Variants in C12orf42 observed in about 807,000 individuals in gnomAD.
C12orf42 encodes the protein uncharacterized protein C12orf42.
In C12orf42, 25 loss-of-function variants were observed where a neutral mutation model predicts 21.6. The observed-to-expected ratio is 1.16, with a 90% CI of 0.84 to 1.62. The LOEUF (loss-of-function observed/expected upper bound fraction) is 1.62. C12orf42 is among the 40% of genes most tolerant of loss of function. C12orf42 has a pLI of 0.00. For missense variants in C12orf42, 483 were observed against 459.3 expected (o/e 1.05, Z -0.47); for synonymous variants, 174 against 175.0 (o/e 0.99, Z 0.05).
intron 2 of C12orf42, among the ~76,000 whole-genome samples, chr12:103,466,124 AG>A (rs1011796290): frequency 1.3e-5 from 2 of 152,184 alleles, no homozygotes; most frequent in African/African-American, 4.8e-5. Context: ...AAAATGACTT[AG>A]GGAGGTGTCA....
At chr12:103,421,351 C>T (rs1412931374) in intron 2 of C12orf42, among the ~76,000 whole-genome samples, 2 of 152,100 alleles carry the variant, frequency 1.3e-5, no homozygotes, top group Admixed American at 1.3e-4. Flanking sequence ...GGGAGAATCC[C>T]TTGAGCCCAG....
chr12:103,358,606 CAAACCAAAAAAAA>C (rs551390476), intron 4 of C12orf42, among the ~76,000 whole-genome samples: 289 of 148,604 alleles, frequency 1.9e-3, no homozygotes, highest in African/African-American at 6.7e-3. Context: ...CATATTGTTT[CAAACCAAAAAAAA>C]AAACAAAAAA....
the C12orf42 span, among the ~76,000 whole-genome samples, chr12:103,099,033 T>A: frequency 3.3e-5 from 5 of 152,310 alleles, no homozygotes; most frequent in African/African-American, 1.2e-4. Context: ...AGAAATTCAG[T>A]TAGATATTGT....
the C12orf42 span, among the ~76,000 whole-genome samples, chr12:103,541,058 T>C: frequency 6.6e-6 from 1 of 152,026 alleles, no homozygotes; most frequent in Non-Finnish European, 1.5e-5. Flanking sequence ...TGCATGCCAC[T>C]ATGCCTGGCT....
chr12:103,094,840 T>C, the C12orf42 span, among the ~76,000 whole-genome samples: 4 of 152,216 alleles, frequency 2.6e-5, no homozygotes, highest in East Asian at 5.8e-4. Context: ...TGTTCTGAAG[T>C]AATCATCTAG....
chr12:103,437,598 A>C (rs1397512563), intron 2 of C12orf42, among the ~76,000 whole-genome samples: 1 of 152,090 alleles, frequency 6.6e-6, no homozygotes, highest in African/African-American at 2.4e-5. Context: ...ACAGAAATAC[A>C]AACTACCATC....
chr12:103,309,939 G>A (rs1377785567), intron 4 of C12orf42, among the ~76,000 whole-genome samples: 3 of 152,196 alleles, frequency 2.0e-5, no homozygotes, highest in Non-Finnish European at 4.4e-5. Context: ...GTCCAAGTAG[G>A]GATACCCTGG....
intron 4 of C12orf42, among the ~76,000 whole-genome samples, chr12:103,360,731 C>T (rs2044021555): frequency 6.6e-6 from 1 of 152,076 alleles, no homozygotes; most frequent in African/African-American, 2.4e-5. Context: ...TTACTCTTTC[C>T]ATAAAACTAT....
At chr12:103,216,448 G>A in the C12orf42 span, among the ~76,000 whole-genome samples, 1 of 150,868 alleles carries the variant, frequency 6.6e-6, no homozygotes, top group South Asian at 2.1e-4. Flanking sequence ...TCTGCTCGCT[G>A]CAGGCTCCAC....
At chr12:103,158,005 A>AT in the C12orf42 span, among the ~76,000 whole-genome samples, 1 of 152,164 alleles carries the variant, frequency 6.6e-6, no homozygotes, top group Non-Finnish European at 1.5e-5. Context: ...TTTTCTTATG[A>AT]TTTTTTAAAT....
At chr12:103,219,302 A>T in the C12orf42 span, among the ~76,000 whole-genome samples, 1 of 152,252 alleles carries the variant, frequency 6.6e-6, no homozygotes, top group African/African-American at 2.4e-5. Context: ...AAAACCATAA[A>T]AACCCTAGAA....
intron 10 of C12orf42, among the ~76,000 whole-genome samples, chr12:103,258,843 T>C: frequency 6.6e-6 from 1 of 152,152 alleles, no homozygotes. Context: ...AGTGGAGAAT[T>C]ATACTATGTT....
upstream of C12orf42, among the ~76,000 whole-genome samples, chr12:103,497,587 C>T (rs1955596984): frequency 6.6e-6 from 1 of 152,194 alleles, no homozygotes; most frequent in African/African-American, 2.4e-5. Flanking sequence ...TACTCTGTTA[C>T]CATTCCTACA....
At chr12:103,473,670 G>C (rs564530431) in intron 2 of C12orf42, among the ~76,000 whole-genome samples, 3 of 152,168 alleles carry the variant, frequency 2.0e-5, no homozygotes, top group African/African-American at 4.8e-5. Context: ...GTCTAATAAA[G>C]AGCCACAAAA....
downstream of C12orf42, among the ~76,000 whole-genome samples, chr12:103,300,756 A>G (rs975151916): frequency 6.6e-6 from 1 of 152,210 alleles, no homozygotes; most frequent in Non-Finnish European, 1.5e-5. Flanking sequence ...ATTTATCTCC[A>G]ACCAAATGGC....
chr12:103,558,703 C>T, the C12orf42 span: 1 of 152,104 alleles, frequency 6.6e-6, no homozygotes. Context: ...CCCTATTATC[C>T]CTACGGTGGG....
chr12:103,249,307 T>C (rs1202382043), intron 10 of C12orf42, among the ~76,000 whole-genome samples: 1 of 151,974 alleles, frequency 6.6e-6, no homozygotes, highest in Non-Finnish European at 1.5e-5. Flanking sequence ...TTCCAGACAA[T>C]GAAAAGGCAG....
chr12:103,113,725 A>G, the C12orf42 span, among the ~76,000 whole-genome samples: 1 of 152,224 alleles, frequency 6.6e-6, no homozygotes, highest in African/African-American at 2.4e-5. Flanking sequence ...TAAGGTAAGT[A>G]AAGTTTAATA....
At chr12:103,250,421 T>C (rs2034240820) in intron 10 of C12orf42, among the ~76,000 whole-genome samples, 1 of 152,060 alleles carries the variant, frequency 6.6e-6, no homozygotes, top group Non-Finnish European at 1.5e-5. Flanking sequence ...AGCACCTACA[T>C]TTTAAAGCCC....
Sources: allele counts gnomAD v4.1 joint callset (sites outside exome capture counted in the v4.1 genomes callset), GRCh38; gene constraint gnomAD v4.1.1; transcripts MANE v1.5; gene names NCBI Gene and HGNC (gene_info 2026-07-23, HGNC 2026-07-21).